CHCHD3: variants seen among roughly 807,000 people sequenced by gnomAD.
CHCHD3 encodes coiled-coil-helix-coiled-coil-helix domain containing 3.
A neutral mutation model predicts 38.2 loss-of-function variants in CHCHD3; 20 were observed. The ratio of observed to expected loss-of-function variants is 0.52; its 90% CI spans 0.37 to 0.76. The LOEUF (loss-of-function observed/expected upper bound fraction) is 0.76, where lower values mean the gene tolerates loss of function less well. Among genes scored for constraint, CHCHD3 ranks in the 30% least tolerant of loss-of-function variants. The pLI is 0.00. For missense variants in CHCHD3, 245 were observed against 279.2 expected, an observed-to-expected ratio of 0.88 and a Z score of 0.87; for synonymous variants, 82 against 100.0, an observed-to-expected ratio of 0.82 and a Z score of 1.07.
intron 6 of CHCHD3, among the ~76,000 whole-genome samples, chr7:132,813,041 C>T (rs941245695): frequency 1.4e-4 from 22 of 152,286 alleles, no homozygotes; most frequent in South Asian, 1.2e-3. Context: ...TTGCCATTGT[C>T]AAGTTATTTG....
At chr7:132,939,573 GT>G (rs1366067848) in intron 4 of CHCHD3, among the ~76,000 whole-genome samples, 1 of 152,108 alleles carries the variant, frequency 6.6e-6, no homozygotes, top group East Asian at 1.9e-4. Context: ...ACACTCTCTA[GT>G]ATTCACACAA....
At chr7:132,963,159 T>A (rs910390593) in intron 4 of CHCHD3, among the ~76,000 whole-genome samples, 2 of 148,178 alleles carry the variant, frequency 1.3e-5, no homozygotes, top group Admixed American at 6.7e-5. Context: ...AAAAAAAATA[T>A]ATATATATAT....
intron 7 of CHCHD3, among the ~76,000 whole-genome samples, chr7:132,787,701 G>A (rs1287236119): frequency 6.6e-6 from 1 of 152,186 alleles, no homozygotes; most frequent in Non-Finnish European, 1.5e-5. Flanking sequence ...AGTCAAACAA[G>A]ATGGTGTATT....
Position 133,082,085 on chromosome 7 carries a change from G to C in CHCHD3, c.-148C>G, listed in dbSNP as rs545069358. On this transcript the variant is annotated 5_prime_UTR_variant, in exon 1 of 8. Transcript: ENST00000262570. ...CCCCCAGAAGCAAGGAGAAGGCGCC[G>C]GTCCTGAGCTCCCGCCTCCTCCGGT... The C allele has an allele frequency of 2.4e-5, 16 of 671,804 alleles. No individual in the cohort carries two copies. The African/African-American group carries it at 2.6e-4, about 11-fold the overall frequency. 41.6% of individuals were successfully genotyped at this position (671,804 alleles called of 1,614,324 possible).
rs754318539 is a variant in CHCHD3 at position 133,035,437 on chromosome 7, T to C, written c.170-10810A>G. ...CACAACAGGGTGCAGACAACTGTGA[T>C]GTCAGCCAATGTCACTCGTTCGCCC... On this transcript the variant is annotated intron_variant, in intron 2 of 7. Transcript: ENST00000262570. This position sits in a 1 kb window ranked among gnomAD's most constrained non-coding sequence, Gnocchi z 4.7. 1.9e-6 allele frequency: 3 copies of C among 1,613,472 alleles called. No homozygotes were observed. Among genetic ancestry groups the C allele is most frequent in the Non-Finnish European group, 2.5e-6 (3 of 1,179,476 alleles).
intron 4 of CHCHD3, among the ~76,000 whole-genome samples, chr7:132,933,015 G>A (rs968772955): frequency 1.3e-5 from 2 of 152,294 alleles, no homozygotes; most frequent in South Asian, 2.1e-4. Flanking sequence ...ACCGCCCAGA[G>A]TATGAAGTTT....
intron 2 of CHCHD3, among the ~76,000 whole-genome samples, chr7:133,051,207 AG>A (rs1165466001): frequency 7.2e-5 from 11 of 152,192 alleles, no homozygotes; most frequent in African/African-American, 2.7e-4. Flanking sequence ...GGTTCTTGTA[AG>A]CCAGTGGGGG....
At chr7:132,875,237 A>T (rs1808867411) in intron 5 of CHCHD3, among the ~76,000 whole-genome samples, 1 of 152,170 alleles carries the variant, frequency 6.6e-6, no homozygotes, top group Non-Finnish European at 1.5e-5. Flanking sequence ...GTAGAAAAGA[A>T]ATCTGTTCAG....
intron 6 of CHCHD3, among the ~76,000 whole-genome samples, chr7:132,820,685 G>C (rs1563245394): frequency 1.3e-5 from 2 of 148,676 alleles, no homozygotes; most frequent in African/African-American, 5.0e-5. Context: ...GGGTTAAACG[G>C]GCTTTTGGGG....
At chr7:132,892,595 T>C (rs1355468265) in intron 4 of CHCHD3, among the ~76,000 whole-genome samples, 2 of 152,134 alleles carry the variant, frequency 1.3e-5, no homozygotes, top group Non-Finnish European at 2.9e-5. Flanking sequence ...CCAGGGCATG[T>C]CAGAGGACTT....
At chr7:133,024,002 A>T (rs971918277) in intron 3 of CHCHD3, among the ~76,000 whole-genome samples, 1 of 152,130 alleles carries the variant, frequency 6.6e-6, no homozygotes, top group African/African-American at 2.4e-5. Context: ...CAGAGGAAAA[A>T]ATCTCGAGCA....
intron 4 of CHCHD3, among the ~76,000 whole-genome samples, chr7:132,952,227 G>T (rs17166815): frequency 6.6e-6 from 1 of 152,158 alleles, no homozygotes; most frequent in Non-Finnish European, 1.5e-5. Context: ...TTTTCACATC[G>T]AGGGTTAAGC....
intron 2 of CHCHD3, chr7:133,034,734 G>C (rs1813608652): frequency 6.2e-7 from 1 of 1,613,400 alleles, no homozygotes; most frequent in African/African-American, 1.3e-5. Flanking sequence ...CCATGTGTAT[G>C]ACTCGTAGTC....
chr7:132,813,154 C>T (rs1807114283), intron 6 of CHCHD3, among the ~76,000 whole-genome samples: 1 of 152,206 alleles, frequency 6.6e-6, no homozygotes, highest in African/African-American at 2.4e-5. Context: ...AACCTTTCCC[C>T]CTGAGAAGCC....
At chr7:133,001,675 T>C (rs1005116931) in intron 3 of CHCHD3, among the ~76,000 whole-genome samples, 5 of 152,196 alleles carry the variant, frequency 3.3e-5, no homozygotes, top group Admixed American at 6.5e-5. Context: ...TAGCTAGTTT[T>C]TCTTCCATTT....
intron 2 of CHCHD3, among the ~76,000 whole-genome samples, chr7:133,031,440 C>T (rs1490382488): frequency 1.3e-5 from 2 of 151,540 alleles, no homozygotes; most frequent in East Asian, 3.8e-4. Context: ...TTCCCTGAAC[C>T]TCAAGGAACA....
chr7:132,970,522 A>G (rs1191835231), intron 4 of CHCHD3, among the ~76,000 whole-genome samples: 5 of 152,240 alleles, frequency 3.3e-5, no homozygotes, highest in African/African-American at 1.2e-4. Flanking sequence ...AATCCTCACA[A>G]GACTATAAGT....
intron 5 of CHCHD3, among the ~76,000 whole-genome samples, chr7:132,841,036 C>A (rs1358963882): frequency 6.6e-6 from 1 of 152,104 alleles, no homozygotes; most frequent in East Asian, 1.9e-4. Context: ...ACCTCAGCAA[C>A]CAGTTTCCCA....
intron 3 of CHCHD3, among the ~76,000 whole-genome samples, chr7:133,013,666 A>T (rs1211272389): frequency 3.3e-5 from 5 of 152,150 alleles, no homozygotes; most frequent in Admixed American, 1.3e-4. Flanking sequence ...ATGGGAAGAG[A>T]GATCACAATA....
Sources: allele counts gnomAD v4.1 joint callset (sites outside exome capture counted in the v4.1 genomes callset), GRCh38; gene constraint gnomAD v4.1.1; non-coding constraint Gnocchi (gnomAD v3.1); transcripts MANE v1.5; gene names NCBI Gene and HGNC (gene_info 2026-07-23, HGNC 2026-07-21).